Variants in MAPK10 observed in about 807,000 individuals in gnomAD.
MAPK10 encodes mitogen-activated protein kinase 10.
A neutral mutation model predicts 59.3 loss-of-function variants in MAPK10; 25 were observed. That is an observed-to-expected ratio of 0.42 (90% CI 0.31 to 0.59). The LOEUF (loss-of-function observed/expected upper bound fraction) is 0.59. Among genes scored for constraint, MAPK10 ranks in the 20% least tolerant of loss-of-function variants. MAPK10 has a pLI of 0.15. For synonymous variants in MAPK10, 190 were observed against 200.5 expected, an observed-to-expected ratio of 0.95 and a Z score of 0.44; for missense variants, 351 against 568.9, an observed-to-expected ratio of 0.62 and a Z score of 3.90.
chr4:86,478,047 T>C (rs1338538098), intron 1 of MAPK10, among the ~76,000 whole-genome samples: 2 of 152,112 alleles, frequency 1.3e-5, no homozygotes, highest in East Asian at 1.9e-4. Context: ...CACACGTGCT[T>C]TCCCCACCGA....
chr4:86,192,238 G>A lies in MAPK10; in HGVS notation c.66+2098C>T, dbSNP rs145099286. The A allele has an allele frequency of 9.9e-5, 15 of 152,104 alleles. No homozygotes were observed. In the East Asian group the frequency reaches 2.7e-3, roughly 28 times the overall value. 9.4% of individuals were successfully genotyped at this position (152,104 alleles called of 1,614,324 possible). ...TCATTTTAACCTTGGTGAACCTGAT[G>A]ATTATATATCTTGGGGTTGGTCTTC... On this transcript the variant is annotated intron_variant, in intron 3 of 13. Transcript: ENST00000641462.
At chr4:86,567,192 T>C (rs1050220875) in intron 1 of MAPK10, among the ~76,000 whole-genome samples, 7 of 152,168 alleles carry the variant, frequency 4.6e-5, no homozygotes, top group African/African-American at 1.7e-4. Flanking sequence ...TTTTTCATAC[T>C]TGAAAACTCA....
intron 9 of MAPK10, among the ~76,000 whole-genome samples, chr4:86,094,135 T>C (rs1161906400): frequency 1.3e-5 from 2 of 152,010 alleles, no homozygotes; most frequent in Non-Finnish European, 2.9e-5. Flanking sequence ...TAGATTGATA[T>C]AACAATCTGT....
intron 1 of MAPK10, among the ~76,000 whole-genome samples, chr4:86,437,452 G>T (rs933262557): frequency 6.6e-6 from 1 of 151,976 alleles, no homozygotes; most frequent in African/African-American, 2.4e-5. Context: ...CCCACTTTGC[G>T]TTCAAGGAAA....
In MAPK10 at chr4:86,015,821, T is replaced by C. The variant is rs990080590; in HGVS notation, c.*1407A>G. On this transcript the variant is annotated 3_prime_UTR_variant, in exon 14 of 14. Transcript: ENST00000641462. ...GATTGCTCATACTTATTAAAATAAA[T>C]AAATAAACATGAAACATCAGCCACA... The C allele has an allele frequency of 6.6e-6, 1 of 152,100 alleles. No homozygotes were observed. The highest frequency in any genetic ancestry group is 1.5e-5 in the Non-Finnish European group (1 of 68,006). The allele number at this position is 152,100 out of a possible 1,614,324, so 9.4% of individuals were successfully genotyped here.
intron 2 of MAPK10, among the ~76,000 whole-genome samples, chr4:86,220,320 G>A (rs577045238): frequency 6.6e-6 from 1 of 152,048 alleles, no homozygotes; most frequent in African/African-American, 2.4e-5. Flanking sequence ...CATGCTAAAT[G>A]CGTCATCCAG....
rs1365535254 is a variant in MAPK10, at chr4:86,570,126, T to C, written c.-263+23784A>G. 2.0e-5 allele frequency among the ~76,000 whole-genome samples: 3 copies of C among 152,046 alleles called. No homozygotes were observed. The East Asian group carries it at 5.8e-4, about 29-fold the overall frequency. Reference sequence around the variant, plus strand: ...GTTTAAAGTTACTTAGCACCTATAATGTGCCAGGTAGTGTGTTGCCTGGGA... The same window carrying C: ...GTTTAAAGTTACTTAGCACCTATAACGTGCCAGGTAGTGTGTTGCCTGGGA... On this transcript the variant is annotated intron_variant, in intron 1 of 4. Transcript: ENST00000502302.
chr4:86,424,123 T>C (rs1249714694), intron 1 of MAPK10, among the ~76,000 whole-genome samples: 4 of 152,182 alleles, frequency 2.6e-5, no homozygotes, highest in Non-Finnish European at 4.4e-5. Flanking sequence ...GCTCATGGAA[T>C]TCCACCAACT....
At chr4:86,092,868 C>T (rs1037128477) in intron 9 of MAPK10, among the ~76,000 whole-genome samples, 2 of 152,018 alleles carry the variant, frequency 1.3e-5, no homozygotes, top group African/African-American at 4.8e-5. Context: ...TCATCACATT[C>T]TTTCATCATC....
At chr4:86,185,779 G>A (rs1402723685) in intron 3 of MAPK10, among the ~76,000 whole-genome samples, 1 of 152,132 alleles carries the variant, frequency 6.6e-6, no homozygotes, top group Non-Finnish European at 1.5e-5. Context: ...CCCAAAAGAT[G>A]ATTCCAAGGA....
Position 86,478,826 on chromosome 4 carries a change from A to G in MAPK10, c.-263+115084T>C, listed in dbSNP as rs374881901. Among the ~76,000 whole-genome samples the G allele has an allele frequency of 1.4e-4, 21 of 152,320 alleles. No homozygotes were observed. In the East Asian group the frequency reaches 3.7e-3, roughly 27 times the overall value. On this transcript the variant is annotated intron_variant, in intron 1 of 4. Coordinates refer to the MAPK10 transcript ENST00000502302. Reference sequence around the variant, plus strand: ...CGCAACACACCAGCAAAGGCAGGCCATGCTATAGTTCAAGCCACTAGCCTG... The same window carrying G: ...CGCAACACACCAGCAAAGGCAGGCCGTGCTATAGTTCAAGCCACTAGCCTG...
chr4:86,076,434 T>C (rs184508797), intron 9 of MAPK10, among the ~76,000 whole-genome samples: 185 of 152,306 alleles, frequency 1.2e-3, no homozygotes, highest in African/African-American at 3.9e-3. Context: ...TTTTTCTTTA[T>C]AATAACAATT....
chr4:86,497,166 A>G (rs913586730), intron 1 of MAPK10, among the ~76,000 whole-genome samples: 1 of 152,206 alleles, frequency 6.6e-6, no homozygotes, highest in Admixed American at 6.5e-5. Flanking sequence ...ACTCAAATTC[A>G]GTGCTTCTAA....
intron 4 of MAPK10, among the ~76,000 whole-genome samples, chr4:86,117,152 T>C (rs958629692): frequency 3.3e-5 from 5 of 152,232 alleles, no homozygotes; most frequent in African/African-American, 9.6e-5. Context: ...CATGTGCCTA[T>C]TGTCCCAGCT....
intron 4 of MAPK10, among the ~76,000 whole-genome samples, chr4:86,142,870 A>G (rs975828465): frequency 2.0e-5 from 3 of 152,160 alleles, no homozygotes; most frequent in Non-Finnish European, 4.4e-5. Context: ...TCAGCTAACT[A>G]TATATTTCCA....
chr4:86,358,112 T>C, intron 1 of MAPK10: 1 of 985,386 alleles, frequency 1.0e-6, no homozygotes, highest in South Asian at 4.7e-5. Flanking sequence ...ATCCAAAGCA[T>C]CCAGCCCCTA....
intron 1 of MAPK10, among the ~76,000 whole-genome samples, chr4:86,481,629 G>C (rs534734264): frequency 2.6e-4 from 39 of 152,138 alleles, no homozygotes; most frequent in Non-Finnish European, 5.0e-4. Flanking sequence ...TTCCCCAGTA[G>C]TGAGTTAAGT....
chr4:86,518,530 G>A (rs1327003934), intron 1 of MAPK10, among the ~76,000 whole-genome samples: 4 of 151,544 alleles, frequency 2.6e-5, no homozygotes, highest in African/African-American at 7.3e-5. Flanking sequence ...TCTCACTAAC[G>A]GTCTATTGAT....
At chr4:86,446,433 T>G (rs1475516905) in intron 1 of MAPK10, among the ~76,000 whole-genome samples, 1 of 152,132 alleles carries the variant, frequency 6.6e-6, no homozygotes, top group African/African-American at 2.4e-5. Flanking sequence ...TCTGGCTGGT[T>G]GAAAACTCCT....
Sources: gnomAD v4.1 joint callset for allele counts (sites outside exome capture counted in the v4.1 genomes callset) on GRCh38, gnomAD v4.1.1 for gene constraint, MANE v1.5 for transcripts, NCBI Gene and HGNC (gene_info 2026-07-23, HGNC 2026-07-21) for gene names.